The following NCOA1 variants were observed in gnomAD, a reference collection of about 807,000 sequenced individuals.
NCOA1 encodes the protein Hin-2 protein.
NCOA1 carries 35 observed loss-of-function variants against 150.9 expected under a neutral mutation model. That is an observed-to-expected ratio of 0.23 (90% CI 0.18 to 0.31). NCOA1 has a LOEUF of 0.31. Ranked by LOEUF, NCOA1 falls within the 10% of genes least tolerant of loss-of-function variation. NCOA1 has a pLI of 1.00. For missense variants in NCOA1, 1,491 were observed against 1,749.3 expected (o/e 0.85, Z 2.63); for synonymous variants, 590 against 630.0 (o/e 0.94, Z 0.95).
intron 20 of NCOA1, among the ~76,000 whole-genome samples, chr2:24,753,248 A>G (rs929024373): frequency 6.6e-6 from 1 of 152,044 alleles, no homozygotes; most frequent in Non-Finnish European, 1.5e-5. Context: ...CCTTACAGGT[A>G]CTCTGACTCC....
intron 21 of NCOA1, among the ~76,000 whole-genome samples, 170 bp downstream of exon 21, chr2:24,758,326 C>CTTTT (rs772274757): frequency 2.1e-4 from 26 of 121,208 alleles, no homozygotes; most frequent in African/African-American, 2.8e-4. Context: ...TTTTGACAGA[C>CTTTT]TTTTTTTTTT....
At chr2:24,609,942 A>G (rs1366371337) in intron 3 of NCOA1, among the ~76,000 whole-genome samples, 1 of 151,842 alleles carries the variant, frequency 6.6e-6, no homozygotes, top group African/African-American at 2.4e-5. Flanking sequence ...TATGTTATTT[A>G]GTGATACGGT....
intron 5 of NCOA1, among the ~76,000 whole-genome samples, chr2:24,665,368 T>C (rs1449605144): frequency 6.6e-6 from 1 of 152,222 alleles, no homozygotes; most frequent in Admixed American, 6.5e-5. Flanking sequence ...GTAACAGTTA[T>C]TTGAAAATTC....
chr2:24,741,424 T>TTCATGTTTCTCTTAACAATGTTCATGGCC (rs1167701683), intron 18 of NCOA1, among the ~76,000 whole-genome samples: 1 of 152,192 alleles, frequency 6.6e-6, no homozygotes, highest in Non-Finnish European at 1.5e-5. Flanking sequence ...CCTTATGGTC[T>TTCATGTTTCTCTTAACAATGTTCATGGCC]TCATGTTTCT....
At chr2:24,608,335 C>G (rs1668464942) in intron 3 of NCOA1, among the ~76,000 whole-genome samples, 1 of 149,836 alleles carries the variant, frequency 6.7e-6, no homozygotes, top group Non-Finnish European at 1.5e-5. Context: ...GGCTGGAGTG[C>G]AGTGGTGCGA....
intron 1 of NCOA1, among the ~76,000 whole-genome samples, chr2:24,561,553 T>G (rs1200726616): frequency 1.3e-5 from 2 of 152,170 alleles, no homozygotes; most frequent in Non-Finnish European, 2.9e-5. Context: ...TGGCTCCAGA[T>G]AGAGAAATAT....
chr2:24,659,274 G>T (rs915279330), intron 5 of NCOA1: 10 of 154,460 alleles, frequency 6.5e-5, no homozygotes, highest in African/African-American at 2.4e-4. Flanking sequence ...TTTGTCAAAT[G>T]AATATATAAA....
intron 3 of NCOA1, among the ~76,000 whole-genome samples, chr2:24,605,240 G>A (rs1046325748): frequency 2.6e-5 from 4 of 152,102 alleles, no homozygotes; most frequent in Non-Finnish European, 5.9e-5. Context: ...ACATGCTTTT[G>A]GAAAAATGGC....
At chr2:24,690,315 A>T (rs1029463267) in intron 8 of NCOA1, among the ~76,000 whole-genome samples, 6 of 152,092 alleles carry the variant, frequency 3.9e-5, no homozygotes, top group Non-Finnish European at 7.4e-5. Flanking sequence ...AAAAGGAAGG[A>T]GGGTCATTGG....
chr2:24,538,453 A>G (rs1665256803), intron 1 of NCOA1, among the ~76,000 whole-genome samples: 1 of 152,234 alleles, frequency 6.6e-6, no homozygotes, highest in Non-Finnish European at 1.5e-5. Flanking sequence ...GAATCAGAAG[A>G]TCTGGATGCA....
chr2:24,561,968 T>C (rs1666311450), intron 1 of NCOA1, among the ~76,000 whole-genome samples: 1 of 152,168 alleles, frequency 6.6e-6, no homozygotes, highest in African/African-American at 2.4e-5. Context: ...GGTTGGTAAT[T>C]TGAAATGCAG....
At chr2:24,673,859 G>A (rs1009764868) in intron 7 of NCOA1, among the ~76,000 whole-genome samples, 3 of 152,088 alleles carry the variant, frequency 2.0e-5, no homozygotes, top group Admixed American at 1.3e-4. Flanking sequence ...ATTGCAGTAC[G>A]TGATTTTCTG....
At chr2:24,513,468 C>T (rs939335343) in intron 1 of NCOA1, among the ~76,000 whole-genome samples, 1 of 151,924 alleles carries the variant, frequency 6.6e-6, no homozygotes, top group African/African-American at 2.4e-5. Context: ...TACTCACGCT[C>T]CTCTGGGTGG....
chr2:24,637,443 A>G (rs1454216256), intron 3 of NCOA1, among the ~76,000 whole-genome samples: 2 of 151,552 alleles, frequency 1.3e-5, no homozygotes, highest in African/African-American at 2.4e-5. Context: ...AACCAACCCA[A>G]ATGTCCAACA....
chr2:24,655,679 A>G (rs1670908051), intron 4 of NCOA1, among the ~76,000 whole-genome samples: 1 of 152,208 alleles, frequency 6.6e-6, no homozygotes, highest in Non-Finnish European at 1.5e-5. Flanking sequence ...AAGACCGGAA[A>G]CAGGGAGAAG....
At chr2:24,538,120 ATATC>A (rs1665241807) in intron 1 of NCOA1, among the ~76,000 whole-genome samples, 1 of 152,218 alleles carries the variant, frequency 6.6e-6, no homozygotes, top group Non-Finnish European at 1.5e-5. Flanking sequence ...ATTACAGACT[ATATC>A]TATTAAAATA....
intron 4 of NCOA1, among the ~76,000 whole-genome samples, chr2:24,657,172 T>A (rs1053512700): frequency 6.6e-6 from 1 of 152,226 alleles, no homozygotes; most frequent in African/African-American, 2.4e-5. Flanking sequence ...TAGGCAAATC[T>A]AGTTGACTCC....
chr2:24,717,108 A>G (rs1023473214), intron 14 of NCOA1, among the ~76,000 whole-genome samples: 25 of 152,200 alleles, frequency 1.6e-4, no homozygotes, highest in African/African-American at 5.5e-4. Context: ...TAAAACAACA[A>G]TATGCTGGCG....
intron 5 of NCOA1, 151 bp downstream of exon 5, chr2:24,658,917 G>A: frequency 1.5e-6 from 1 of 669,536 alleles, no homozygotes; most frequent in Non-Finnish European, 2.5e-6. Context: ...CAGGGTCTTT[G>A]CACATGTTTC....
Sources: gnomAD v4.1 joint callset for allele counts (sites outside exome capture counted in the v4.1 genomes callset) on GRCh38, gnomAD v4.1.1 for gene constraint, MANE v1.5 for transcripts, NCBI Gene and HGNC (gene_info 2026-07-23, HGNC 2026-07-21) for gene names.